The following QTMAN variants were observed in gnomAD, a reference collection of about 807,000 sequenced individuals.
The protein encoded by QTMAN is tRNA-queuosine alpha-mannosyltransferase.
At chr2:144,040,867 G>A in the QTMAN span, among the ~76,000 whole-genome samples, 3 of 152,276 alleles carry the variant, frequency 2.0e-5, no homozygotes, top group Non-Finnish European at 2.9e-5. Context: ...ATTAGACAAA[G>A]AGGTGGATTT....
the QTMAN span, among the ~76,000 whole-genome samples, chr2:144,095,539 T>C: frequency 1.3e-5 from 2 of 152,184 alleles, no homozygotes. Context: ...TGACATCATT[T>C]TAATCCTTGT....
At chr2:144,022,753 G>A in the QTMAN span, among the ~76,000 whole-genome samples, 3 of 151,590 alleles carry the variant, frequency 2.0e-5, no homozygotes, top group African/African-American at 7.3e-5. Flanking sequence ...TAGTAGAAAC[G>A]GGATTTCACC....
At chr2:143,966,272 G>A in the QTMAN span, among the ~76,000 whole-genome samples, 1 of 152,110 alleles carries the variant, frequency 6.6e-6, no homozygotes, top group African/African-American at 2.4e-5. Flanking sequence ...CAATTCACAG[G>A]GCTATTGTGA....
chr2:144,032,947 T>C, the QTMAN span, among the ~76,000 whole-genome samples: 1 of 152,162 alleles, frequency 6.6e-6, no homozygotes. Flanking sequence ...TAGAATTTGG[T>C]ATATGTTTAG....
the QTMAN span, among the ~76,000 whole-genome samples, chr2:144,078,491 A>G: frequency 6.6e-6 from 1 of 152,252 alleles, no homozygotes; most frequent in Non-Finnish European, 1.5e-5. Flanking sequence ...ACACTCAGCA[A>G]TTCTGCATAA....
At chr2:144,048,081 C>T in the QTMAN span, among the ~76,000 whole-genome samples, 4 of 152,280 alleles carry the variant, frequency 2.6e-5, no homozygotes, top group South Asian at 2.1e-4. Flanking sequence ...ACACAAAGTA[C>T]GTACTAAGTG....
the QTMAN span, among the ~76,000 whole-genome samples, chr2:144,312,961 C>A: frequency 1.2e-5 from 1 of 81,826 alleles, no homozygotes; most frequent in Non-Finnish European, 2.4e-5. Context: ...TCAGGTATTT[C>A]TTTATAGCAG....
At chr2:144,220,678 T>C in the QTMAN span, among the ~76,000 whole-genome samples, 1 of 152,186 alleles carries the variant, frequency 6.6e-6, no homozygotes, top group African/African-American at 2.4e-5. Flanking sequence ...CCCCCTTGCA[T>C]CTCTCTCCAG....
the QTMAN span, among the ~76,000 whole-genome samples, chr2:144,051,495 G>C: frequency 5.9e-5 from 9 of 152,132 alleles, no homozygotes; most frequent in African/African-American, 2.4e-5. Flanking sequence ...ACTCCAGCCT[G>C]AGTGACAGTG....
chr2:144,067,462 T>C, the QTMAN span, among the ~76,000 whole-genome samples: 2 of 152,142 alleles, frequency 1.3e-5, no homozygotes, highest in African/African-American at 4.8e-5. Context: ...GCGAGGACAA[T>C]AAGAAATTTG....
chr2:144,315,839 C>T, the QTMAN span, among the ~76,000 whole-genome samples: 1 of 152,182 alleles, frequency 6.6e-6, no homozygotes, highest in Admixed American at 6.5e-5. Context: ...GTCTTCATTA[C>T]CACATCCCAC....
the QTMAN span, among the ~76,000 whole-genome samples, chr2:144,160,735 G>A: frequency 6.6e-6 from 1 of 152,156 alleles, no homozygotes; most frequent in African/African-American, 2.4e-5. Flanking sequence ...TCAACGGTTA[G>A]AGGGGAGACA....
chr2:144,232,800 G>A, the QTMAN span, among the ~76,000 whole-genome samples: 1 of 152,020 alleles, frequency 6.6e-6, no homozygotes, highest in Non-Finnish European at 1.5e-5. Context: ...AAATTTCATC[G>A]AATGCTTGCT....
the QTMAN span, chr2:143,964,150 A>AT: frequency 6.6e-6 from 1 of 152,180 alleles, no homozygotes; most frequent in Non-Finnish European, 1.5e-5. Context: ...AAATGTAATT[A>AT]TATAAACATT....
At chr2:144,297,714 G>A in the QTMAN span, among the ~76,000 whole-genome samples, 2 of 150,950 alleles carry the variant, frequency 1.3e-5, no homozygotes, top group African/African-American at 2.4e-5. Flanking sequence ...CTAAGTAGCT[G>A]GGACTACAGG....
chr2:144,297,615 C>T, the QTMAN span, among the ~76,000 whole-genome samples: 1 of 137,870 alleles, frequency 7.3e-6, no homozygotes, highest in African/African-American at 2.7e-5. Flanking sequence ...GAGTCTCTCT[C>T]TGTCTCCCAG....
At chr2:144,251,228 T>G in the QTMAN span, among the ~76,000 whole-genome samples, 8 of 152,192 alleles carry the variant, frequency 5.3e-5, no homozygotes. Context: ...GAAATTGGCT[T>G]GAGATAACTT....
At chr2:143,979,241 G>A in the QTMAN span, among the ~76,000 whole-genome samples, 3 of 151,692 alleles carry the variant, frequency 2.0e-5, no homozygotes, top group African/African-American at 7.3e-5. Context: ...GATCTTGAGA[G>A]TAATAGAATT....
chr2:144,165,604 C>T, the QTMAN span, among the ~76,000 whole-genome samples: 5 of 152,140 alleles, frequency 3.3e-5, no homozygotes, highest in African/African-American at 1.2e-4. Context: ...TCTCACCCAA[C>T]CTTCAGACAT....
Sources: allele counts gnomAD v4.1 joint callset (sites outside exome capture counted in the v4.1 genomes callset), GRCh38; gene constraint gnomAD v4.1.1; transcripts MANE v1.5; gene names NCBI Gene and HGNC (gene_info 2026-07-23, HGNC 2026-07-21).